Variants in LRP1B observed in about 807,000 individuals in gnomAD.
LRP1B encodes the protein LDL receptor related protein 1B.
In LRP1B, 217 loss-of-function variants were observed where a neutral mutation model predicts 556.6. The ratio of observed to expected loss-of-function variants is 0.39; its 90% CI spans 0.35 to 0.44. LRP1B has a LOEUF of 0.44. Among genes scored for constraint, LRP1B ranks in the 20% least tolerant of loss-of-function variants. The pLI is 1.00. For missense variants in LRP1B, 5,053 were observed against 5,620.8 expected (o/e 0.90, Z 3.23); for synonymous variants, 2,047 against 1,865.8 (o/e 1.10, Z -2.50).
chr2:140,324,689 T>C (rs750024911), intron 80 of LRP1B, among the ~76,000 whole-genome samples: 24 of 152,188 alleles, frequency 1.6e-4, no homozygotes, highest in Admixed American at 2.6e-4. Context: ...ATAATTATTC[T>C]AACTTTTGAA....
chr2:140,980,823 A>G (rs925710650), intron 18 of LRP1B, among the ~76,000 whole-genome samples: 2 of 152,248 alleles, frequency 1.3e-5, no homozygotes, highest in Non-Finnish European at 2.9e-5. Flanking sequence ...TTGCAATTGC[A>G]AAGATACTGA....
At chr2:142,052,872 G>A (rs577408826) in intron 1 of LRP1B, among the ~76,000 whole-genome samples, 1 of 152,142 alleles carries the variant, frequency 6.6e-6, no homozygotes, top group African/African-American at 2.4e-5. Flanking sequence ...CTCCACAGGG[G>A]TAGTGCTAAT....
chr2:141,920,285 G>C (rs59127737), intron 1 of LRP1B, among the ~76,000 whole-genome samples: 8,497 of 129,242 alleles, frequency 0.066, 984 homozygotes, highest in African/African-American at 0.21. Context: ...TTTTTGGGGG[G>C]GGGTGGTAGG....
At chr2:141,423,042 G>A (rs1244686402) in intron 3 of LRP1B, among the ~76,000 whole-genome samples, 1 of 152,094 alleles carries the variant, frequency 6.6e-6, no homozygotes, top group African/African-American at 2.4e-5. Flanking sequence ...ATACGAAAGT[G>A]GGAAATAGGA....
intron 84 of LRP1B, among the ~76,000 whole-genome samples, chr2:140,284,011 A>C (rs550056624): frequency 2.0e-5 from 3 of 151,688 alleles, no homozygotes. Flanking sequence ...GAAGGCCTGA[A>C]AAAAGAATGG....
intron 3 of LRP1B, among the ~76,000 whole-genome samples, chr2:141,275,077 G>C (rs1167430989): frequency 6.6e-6 from 1 of 152,148 alleles, no homozygotes; most frequent in Non-Finnish European, 1.5e-5. Flanking sequence ...AGAAAGCAAA[G>C]CTACTTCCCA....
intron 3 of LRP1B, among the ~76,000 whole-genome samples, chr2:141,396,027 G>A (rs974428753): frequency 2.6e-5 from 4 of 152,094 alleles, no homozygotes; most frequent in Admixed American, 2.6e-4. Flanking sequence ...TTTGGAAGCT[G>A]ACAAGACTAA....
chr2:141,008,150 A>G (rs1486596413), intron 14 of LRP1B, among the ~76,000 whole-genome samples: 2 of 151,424 alleles, frequency 1.3e-5, no homozygotes, highest in African/African-American at 2.4e-5. Flanking sequence ...AACTACAAAT[A>G]TGGTGCTAAA....
At chr2:140,327,251 A>C (rs1680536143) in intron 79 of LRP1B, among the ~76,000 whole-genome samples, 1 of 152,116 alleles carries the variant, frequency 6.6e-6, no homozygotes, top group Admixed American at 6.6e-5. Flanking sequence ...AAGACTTAAT[A>C]ATCAGAATGG....
chr2:140,834,739 T>C (rs559454001), intron 31 of LRP1B, among the ~76,000 whole-genome samples: 4 of 152,168 alleles, frequency 2.6e-5, no homozygotes, highest in Non-Finnish European at 5.9e-5. Flanking sequence ...CCATCCAGAA[T>C]TGAAACTACT....
intron 43 of LRP1B, among the ~76,000 whole-genome samples, chr2:140,572,688 A>G (rs1250722218): frequency 2.0e-5 from 3 of 151,780 alleles, no homozygotes; most frequent in Non-Finnish European, 4.4e-5. Flanking sequence ...ATGTGTTATT[A>G]CAGCACTATT....
chr2:140,539,682 C>T (rs1680062989), intron 45 of LRP1B, among the ~76,000 whole-genome samples: 1 of 152,104 alleles, frequency 6.6e-6, no homozygotes, highest in South Asian at 2.1e-4. Flanking sequence ...TAACGCATGG[C>T]TAACACTCCG....
chr2:140,882,024 C>T (rs1260513866), intron 25 of LRP1B, among the ~76,000 whole-genome samples: 1 of 152,176 alleles, frequency 6.6e-6, no homozygotes, highest in African/African-American at 2.4e-5. Flanking sequence ...AACTTTCATA[C>T]ACCTGGTTTT....
At chr2:141,990,002 G>A (rs1444807580) in intron 1 of LRP1B, among the ~76,000 whole-genome samples, 1 of 151,948 alleles carries the variant, frequency 6.6e-6, no homozygotes, top group Non-Finnish European at 1.5e-5. Context: ...TTTACATATG[G>A]AATACACACT....
intron 2 of LRP1B, among the ~76,000 whole-genome samples, chr2:141,739,285 C>T (rs891455727): frequency 1.8e-4 from 28 of 152,078 alleles, no homozygotes; most frequent in African/African-American, 6.3e-4. Flanking sequence ...GCTTACTCTA[C>T]TTTGCTAAAC....
chr2:142,130,122 A>C (rs745413472), intron 1 of LRP1B, among the ~76,000 whole-genome samples: 11 of 152,164 alleles, frequency 7.2e-5, no homozygotes, highest in Non-Finnish European at 1.3e-4. Context: ...CAGGACTCTG[A>C]CCCCAGTCTG....
At chr2:141,331,957 A>C (rs1264619247) in intron 3 of LRP1B, among the ~76,000 whole-genome samples, 1 of 152,098 alleles carries the variant, frequency 6.6e-6, no homozygotes, top group East Asian at 1.9e-4. Context: ...GCAAACTTTT[A>C]TTTATATTTT....
chr2:141,071,336 G>A (rs539335512), intron 7 of LRP1B, among the ~76,000 whole-genome samples: 265 of 151,408 alleles, frequency 1.8e-3, no homozygotes, highest in African/African-American at 6.1e-3. Context: ...CAATAAATTA[G>A]GTATTGATGG....
At chr2:141,697,427 G>A (rs1222732645) in intron 2 of LRP1B, among the ~76,000 whole-genome samples, 1 of 151,912 alleles carries the variant, frequency 6.6e-6, no homozygotes, top group African/African-American at 2.4e-5. Flanking sequence ...TCCTGAAAGA[G>A]GCAGTAAATA....
Sources: allele counts gnomAD v4.1 joint callset (sites outside exome capture counted in the v4.1 genomes callset), GRCh38; gene constraint gnomAD v4.1.1; transcripts MANE v1.5; gene names NCBI Gene and HGNC (gene_info 2026-07-23, HGNC 2026-07-21).